The following TAOK1 variants were observed in gnomAD, a reference collection of about 807,000 sequenced individuals.
TAOK1 encodes the protein TAO kinase 1.
In TAOK1, 21 loss-of-function variants were observed where a neutral mutation model predicts 138.3. The ratio of observed to expected loss-of-function variants is 0.15; its 90% CI spans 0.11 to 0.22. The LOEUF (loss-of-function observed/expected upper bound fraction) is 0.22. TAOK1 is among the 10% of genes least tolerant of loss of function. The probability of loss-of-function intolerance (pLI) is 1.00; values close to 1 mark genes in which losing one functional copy is unlikely to be tolerated. For missense variants in TAOK1, 651 were observed against 1,227.7 expected, an observed-to-expected ratio of 0.53 and a Z score of 7.02; for synonymous variants, 361 against 398.4, an observed-to-expected ratio of 0.91 and a Z score of 1.12.
At chr17:29,407,560 C>G (rs1047874970) in intron 1 of TAOK1, among the ~76,000 whole-genome samples, 1 of 152,022 alleles carries the variant, frequency 6.6e-6, no homozygotes, top group Admixed American at 6.6e-5. Context: ...GATCCTCCCC[C>G]CTCAGCCTCC....
At chr17:29,440,922 T>G (rs992221934) in intron 1 of TAOK1, among the ~76,000 whole-genome samples, 8 of 152,178 alleles carry the variant, frequency 5.3e-5, no homozygotes, top group African/African-American at 1.9e-4. Flanking sequence ...ATCAAATGCG[T>G]TTTCCATATT....
intron 1 of TAOK1, among the ~76,000 whole-genome samples, chr17:29,408,767 C>T (rs1905064983): frequency 6.6e-6 from 1 of 151,710 alleles, no homozygotes; most frequent in Non-Finnish European, 1.5e-5. Context: ...GGCTGGAATG[C>T]AGTGGCACAG....
chr17:29,391,807 T>A (rs1284498356), intron 1 of TAOK1, among the ~76,000 whole-genome samples: 2 of 152,246 alleles, frequency 1.3e-5, no homozygotes, highest in Non-Finnish European at 2.9e-5. Context: ...TTTTGAGAGA[T>A]GTCTGGATTG....
At chr17:29,533,218 G>C (rs1473529571) in intron 18 of TAOK1, among the ~76,000 whole-genome samples, 1 of 149,122 alleles carries the variant, frequency 6.7e-6, no homozygotes, top group African/African-American at 2.5e-5. Flanking sequence ...GCGGGGCAGA[G>C]GCGCTCCCCA....
chr17:29,484,016 C>T (rs2031118005), intron 8 of TAOK1, among the ~76,000 whole-genome samples: 1 of 152,056 alleles, frequency 6.6e-6, no homozygotes, highest in Non-Finnish European at 1.5e-5. Flanking sequence ...AATGGACCTG[C>T]TAGATTTCAT....
chr17:29,436,151 T>C (rs954046632), intron 1 of TAOK1, among the ~76,000 whole-genome samples: 16 of 152,048 alleles, frequency 1.1e-4, no homozygotes, highest in African/African-American at 3.4e-4. Flanking sequence ...AAGTAAAAAA[T>C]GTTTTAAAAA....
intron 1 of TAOK1, among the ~76,000 whole-genome samples, chr17:29,421,602 G>A (rs1905446704): frequency 6.6e-6 from 1 of 152,110 alleles, no homozygotes; most frequent in South Asian, 2.1e-4. Flanking sequence ...GAAACAGTAA[G>A]TTAGGTTATC....
At chr17:29,477,180 G>C (rs745604433) in intron 4 of TAOK1, among the ~76,000 whole-genome samples, 23 of 152,034 alleles carry the variant, frequency 1.5e-4, no homozygotes, top group Non-Finnish European at 3.1e-4. Flanking sequence ...TTGATATATA[G>C]TTGGTTGAAT....
intron 1 of TAOK1, among the ~76,000 whole-genome samples, chr17:29,440,351 A>C (rs1375710192): frequency 5.3e-5 from 8 of 152,152 alleles, no homozygotes; most frequent in African/African-American, 1.9e-4. Context: ...CTTGTGAGAG[A>C]GACATTACAA....
At position 29,438,338 on chromosome 17, in the gene TAOK1, A is replaced by G. The variant is rs906536820; in HGVS notation, c.-94-13117A>G. Among the ~76,000 whole-genome samples the G allele has an allele frequency of 8.5e-5, 13 of 152,314 alleles. No homozygotes were observed. The East Asian group carries it at 9.6e-4, about 11-fold the overall frequency. On this transcript the variant is annotated intron_variant, in intron 1 of 19. Coordinates refer to ENST00000261716, the MANE Select transcript of TAOK1 (RefSeq NM_020791.4). The stretch of plus-strand genomic sequence containing the variant: ...CTATTAGAATTATGTGAGCATCAAA[A>G]CAAATTTAAGTTTCCTACTTTTCTC...
At chr17:29,471,827 A>G (rs748467336) in intron 3 of TAOK1, among the ~76,000 whole-genome samples, 2 of 152,230 alleles carry the variant, frequency 1.3e-5, no homozygotes, top group Non-Finnish European at 2.9e-5. Context: ...TTTACCCATG[A>G]TAAAACTTTC....
At chr17:29,441,897 CA>C (rs542059555) in intron 1 of TAOK1, among the ~76,000 whole-genome samples, 141 of 139,734 alleles carry the variant, frequency 1.0e-3, no homozygotes, top group Non-Finnish European at 1.1e-3. Context: ...GACTCCGTCT[CA>C]AAAAAAAAAA....
At chr17:29,454,347 G>A (rs1033698339) in intron 2 of TAOK1, among the ~76,000 whole-genome samples, 20 of 151,966 alleles carry the variant, frequency 1.3e-4, no homozygotes, top group African/African-American at 4.3e-4. Flanking sequence ...AGATCAAGAG[G>A]TTTTATTCCT....
intron 1 of TAOK1, among the ~76,000 whole-genome samples, chr17:29,431,814 T>TC (rs1183359028): frequency 2.0e-5 from 3 of 148,158 alleles, no homozygotes; most frequent in African/African-American, 7.5e-5. Context: ...TTTTTTTTTT[T>TC]TTTTTTTTTT....
Position 29,397,276 on chromosome 17 carries a change from C to CA in TAOK1, c.-95+6253dup, listed in dbSNP as rs1275070911. Among the ~76,000 whole-genome samples the CA allele has an allele frequency of 4.6e-5, 7 of 151,576 alleles. No homozygotes were observed. The South Asian group carries it at 1.3e-3, about 27-fold the overall frequency. ...TGCCACTGCATTCCAGCCTGGGTGA[C>CA]AGAGTGAGACTCTGTCTCAAGAAAA... is the stretch of plus-strand genomic sequence containing the variant. On this transcript the variant is annotated intron_variant, in intron 1 of 19. Transcript: ENST00000261716.
At chr17:29,441,929 A>G (rs2029951634) in intron 1 of TAOK1, among the ~76,000 whole-genome samples, 1 of 151,602 alleles carries the variant, frequency 6.6e-6, no homozygotes. Context: ...TTCATTACTG[A>G]TTTTAGTAAT....
intron 13 of TAOK1, among the ~76,000 whole-genome samples, chr17:29,505,732 A>G (rs483399): frequency 0.38 from 57,279 of 151,324 alleles, 12,003 homozygotes; most frequent in Non-Finnish European, 0.48. Flanking sequence ...TCAGGAGTTC[A>G]AGACCAGCCT....
rs534636125 is a variant in TAOK1 at position 29,545,623 on chromosome 17, A to G, written c.*2601A>G. The G allele has an allele frequency of 6.6e-6, 1 of 152,306 alleles. No individual in the cohort carries two copies. Among genetic ancestry groups the G allele is most frequent in the South Asian group, 2.1e-4 (1 of 4,828 alleles). 9.4% of individuals were successfully genotyped at this position (152,306 alleles called of 1,614,324 possible). A position where few individuals can be genotyped will look rare whatever the true frequency, so the allele number is the denominator to read the frequency against. On this transcript the variant is annotated 3_prime_UTR_variant, in exon 20 of 20. Coordinates refer to ENST00000261716, the MANE Select transcript of TAOK1 (RefSeq NM_020791.4). ...TTAAAGTATATACAGTTTGCAAAAA[A>G]TGATTCAAATTAATTGGTTTGTATA... is the stretch of plus-strand genomic sequence containing the variant.
intron 17 of TAOK1, among the ~76,000 whole-genome samples, chr17:29,523,838 T>C (rs2150768380): frequency 6.6e-6 from 1 of 152,298 alleles, no homozygotes; most frequent in South Asian, 2.1e-4. Context: ...TCTCCTGTAC[T>C]CCTACCCAGC....
Sources: allele counts gnomAD v4.1 joint callset (sites outside exome capture counted in the v4.1 genomes callset), GRCh38; gene constraint gnomAD v4.1.1; transcripts MANE v1.5; gene names NCBI Gene and HGNC (gene_info 2026-07-23, HGNC 2026-07-21).